KIAA1217: variants seen among roughly 807,000 people sequenced by gnomAD.
The protein encoded by KIAA1217 is KIAA1217.
A neutral mutation model predicts 163.9 loss-of-function variants in KIAA1217; 88 were observed. That is an observed-to-expected ratio of 0.54 (90% confidence interval 0.45 to 0.64). The LOEUF (loss-of-function observed/expected upper bound fraction) is 0.64, where lower values mean the gene tolerates loss of function less well. KIAA1217 is among the 30% of genes least tolerant of loss of function. The pLI is 0.00. For synonymous variants in KIAA1217, 903 were observed against 923.1 expected, an observed-to-expected ratio of 0.98 and a Z score of 0.39; for missense variants, 2,372 against 2,475.0, an observed-to-expected ratio of 0.96 and a Z score of 0.88.
intron 2 of KIAA1217, among the ~76,000 whole-genome samples, chr10:24,245,410 G>T (rs2073673728): frequency 6.6e-6 from 1 of 152,206 alleles, no homozygotes; most frequent in Non-Finnish European, 1.5e-5. Flanking sequence ...TCTGTTGGCT[G>T]CAGTGTGACA....
chr10:23,821,164 G>A (rs1158546062), intron 1 of KIAA1217, among the ~76,000 whole-genome samples: 2 of 151,008 alleles, frequency 1.3e-5, no homozygotes, highest in African/African-American at 2.4e-5. Context: ...AAGTAAATAG[G>A]CAGTGTATTT....
At chr10:23,718,344 A>G (rs986140128) in intron 1 of KIAA1217, among the ~76,000 whole-genome samples, 3 of 152,166 alleles carry the variant, frequency 2.0e-5, no homozygotes, top group Admixed American at 1.3e-4. Context: ...AAATATTTAA[A>G]TGTAGTTTAT....
chr10:23,786,914 G>C (rs1031528831), intron 1 of KIAA1217, among the ~76,000 whole-genome samples: 2 of 152,150 alleles, frequency 1.3e-5, no homozygotes, highest in Admixed American at 6.5e-5. Flanking sequence ...TTTGTGTCCT[G>C]CTCACAGGTC....
chr10:24,439,757 T>C (rs2060337615), intron 5 of KIAA1217, among the ~76,000 whole-genome samples: 2 of 152,062 alleles, frequency 1.3e-5, no homozygotes, highest in Admixed American at 6.6e-5. Context: ...TTGACCCTGC[T>C]TCCATGCTCA....
intron 2 of KIAA1217, among the ~76,000 whole-genome samples, chr10:24,011,057 A>C (rs964675437): frequency 2.6e-5 from 4 of 152,210 alleles, no homozygotes; most frequent in African/African-American, 9.6e-5. Flanking sequence ...GACTTTTAGC[A>C]GACTAAGGCA....
chr10:24,224,791 C>G (rs367580753), intron 2 of KIAA1217, among the ~76,000 whole-genome samples: 3 of 139,872 alleles, frequency 2.1e-5, no homozygotes, highest in African/African-American at 8.0e-5. Flanking sequence ...CTCAGAGGCT[C>G]TTATTTTTAA....
intron 1 of KIAA1217, among the ~76,000 whole-genome samples, chr10:24,210,222 T>G (rs1168870352): frequency 1.3e-5 from 2 of 152,102 alleles, no homozygotes; most frequent in Non-Finnish European, 2.9e-5. Context: ...AAGTAACACA[T>G]GACTCATCCA....
Position 23,914,393 on chromosome 10 carries a change from C to A in KIAA1217, c.-320-92832C>A, listed in dbSNP as rs181417686. Among the ~76,000 whole-genome samples the A allele has an allele frequency of 2.2e-4, 33 of 152,288 alleles. 1 individual carries two copies. In the East Asian group the frequency reaches 6.4e-3, roughly 29 times the overall value. ...GTAGTGGCACAGTCATAGCTCACTG[C>A]AGCCTCCAATTCCTGGGCTCAAGCA... On this transcript the variant is annotated intron_variant, in intron 1 of 18. Transcript: ENST00000376462.
At chr10:23,856,341 C>T (rs1237197008) in intron 1 of KIAA1217, among the ~76,000 whole-genome samples, 5 of 152,198 alleles carry the variant, frequency 3.3e-5, no homozygotes, top group Admixed American at 6.5e-5. Context: ...TCGTGAACCG[C>T]GAATGCTGCT....
At chr10:23,872,967 G>A (rs369608884) in intron 1 of KIAA1217, among the ~76,000 whole-genome samples, 2 of 152,062 alleles carry the variant, frequency 1.3e-5, no homozygotes, top group East Asian at 3.9e-4. Flanking sequence ...CCCAGAATAA[G>A]CAATCAAACA....
Position 24,543,847 on chromosome 10 carries a change from T to C in KIAA1217, c.4577T>C (p.Leu1526Pro). Reference protein sequence around the residue: ...QVETKSQPHSLATETRNPGGQ... With the variant: ...QVETKSQPHSPATETRNPGGQ... ...GAAACAAAGTCACAGCCACACTCCC[T>C]GGCCACAGAGACCAGAAACCCAGGA... is the stretch of plus-strand genomic sequence containing the variant. Residue 1526 changes from leucine to proline, a missense_variant, in exon 19 of 21, where the codon CTG (leucine) becomes CCG (proline). Around this residue, in one of 3 missense-constraint regions of KIAA1217, gnomAD observed 690 missense variants for 677.5 expected, o/e 1.02. Coordinates refer to ENST00000376454, the MANE Select transcript of KIAA1217 (RefSeq NM_019590.5). 1 of 1,614,006 alleles carries C rather than the reference T, an allele frequency of 6.2e-7. No individual in the cohort carries two copies. The highest frequency in any genetic ancestry group is 8.5e-7 in the Non-Finnish European group (1 of 1,180,026).
chr10:24,242,538 C>T (rs979291559), intron 2 of KIAA1217, among the ~76,000 whole-genome samples: 7 of 151,988 alleles, frequency 4.6e-5, no homozygotes, highest in Non-Finnish European at 1.0e-4. Context: ...GTGGATAGCA[C>T]GGTGATGAAC....
chr10:23,729,819 G>T lies in KIAA1217; in HGVS notation c.-321+34585G>T, dbSNP rs143952645. Among the ~76,000 whole-genome samples, 680 of 152,096 alleles carry T rather than the reference G, an allele frequency of 4.5e-3. 2 individuals are homozygous for T. Among genetic ancestry groups the T allele is most frequent in the Non-Finnish European group, 4.9e-3 (336 of 67,994 alleles). Reference sequence around the variant, plus strand: ...AATCCAGTTTATTCTTTCTTTCATGGATCATTCCTTTGGCATTGTATCCAA... The same window carrying T: ...AATCCAGTTTATTCTTTCTTTCATGTATCATTCCTTTGGCATTGTATCCAA... On this transcript the variant is annotated intron_variant, in intron 1 of 18. Transcript: ENST00000376462.
chr10:24,243,921 G>C (rs533507571), intron 2 of KIAA1217, among the ~76,000 whole-genome samples: 1 of 152,074 alleles, frequency 6.6e-6, no homozygotes, highest in Non-Finnish European at 1.5e-5. Flanking sequence ...AATAAGTAGC[G>C]ATCGCATTGA....
intron 2 of KIAA1217, among the ~76,000 whole-genome samples, chr10:24,019,618 A>C (rs1473840181): frequency 1.3e-5 from 2 of 151,878 alleles, no homozygotes; most frequent in East Asian, 3.9e-4. Context: ...GAAATACTTA[A>C]CTCTGAGGTT....
At chr10:24,497,719 CA>C (rs576820337) in intron 8 of KIAA1217, among the ~76,000 whole-genome samples, 2,179 of 75,442 alleles carry the variant, frequency 0.029, 37 homozygotes, top group African/African-American at 0.08. Flanking sequence ...GACCTTGTCT[CA>C]AAAAAAAAAA....
At chr10:24,184,472 AC>A (rs2066327312) in intron 2 of KIAA1217, among the ~76,000 whole-genome samples, 1 of 152,166 alleles carries the variant, frequency 6.6e-6, no homozygotes, top group Non-Finnish European at 1.5e-5. Context: ...AAAGCCCAAA[AC>A]TTTTCCTAAT....
At chr10:23,717,904 T>C (rs1837664666) in intron 1 of KIAA1217, among the ~76,000 whole-genome samples, 1 of 152,176 alleles carries the variant, frequency 6.6e-6, no homozygotes, top group African/African-American at 2.4e-5. Flanking sequence ...CTCATAGCAA[T>C]GATCATAAAA....
intron 1 of KIAA1217, among the ~76,000 whole-genome samples, chr10:23,960,068 A>C (rs540592364): frequency 8.1e-4 from 123 of 151,800 alleles, no homozygotes; most frequent in African/African-American, 2.9e-3. Context: ...GGCGCCTGCC[A>C]CCACGCCCGG....
Sources: gnomAD v4.1 joint callset for allele counts (sites outside exome capture counted in the v4.1 genomes callset) on GRCh38, gnomAD v4.1.1 for gene constraint, gnomAD v4.1.1 regional missense constraint, MANE v1.5 for transcripts, NCBI Gene and HGNC (gene_info 2026-07-23, HGNC 2026-07-21) for gene names.